PRKG1: variants seen among roughly 807,000 people sequenced by gnomAD.
PRKG1 encodes the protein cGMP-dependent protein kinase 1.
Under a neutral mutation model 88.1 loss-of-function variants are expected in PRKG1, and 35 were observed. The ratio of observed to expected loss-of-function variants is 0.40; its 90% CI spans 0.30 to 0.53. PRKG1 has a LOEUF of 0.53. PRKG1 is among the 20% of genes least tolerant of loss of function. The pLI is 0.59. For missense variants in PRKG1, 540 were observed against 839.8 expected (o/e 0.64, Z 4.41); for synonymous variants, 303 against 292.5 (o/e 1.04, Z -0.37).
chr10:51,124,269 C>T (rs761277377), intron 1 of PRKG1, among the ~76,000 whole-genome samples: 2 of 152,174 alleles, frequency 1.3e-5, no homozygotes, highest in Admixed American at 6.5e-5. Context: ...AGCACACTGT[C>T]CTTTGGATAT....
At chr10:50,995,067 G>C (rs551440900) in intron 1 of PRKG1, among the ~76,000 whole-genome samples, 2 of 152,082 alleles carry the variant, frequency 1.3e-5, no homozygotes, top group South Asian at 4.1e-4. Flanking sequence ...CATGGATACT[G>C]AAGGATGACT....
intron 3 of PRKG1, among the ~76,000 whole-genome samples, chr10:51,662,692 A>C (rs1356078428): frequency 6.6e-6 from 1 of 152,214 alleles, no homozygotes; most frequent in East Asian, 1.9e-4. Flanking sequence ...GGAGAAAAGT[A>C]TAAAAGGAGC....
intron 7 of PRKG1, chr10:52,128,558 C>T (rs919352592): frequency 1.3e-5 from 13 of 985,230 alleles, no homozygotes; most frequent in African/African-American, 1.7e-5. Context: ...GCACGGAAAC[C>T]TATATTTGCA....
rs563977737 is a variant in PRKG1 at position 51,601,330 on chromosome 10, C to T, written c.592+133494C>T. The stretch of plus-strand genomic sequence containing the variant: ...CAAGGAATAGTTTGAAAAATAAAAC[C>T]GTACATGAATATTTTAGAAAGGCGA... On this transcript the variant is annotated intron_variant, in intron 3 of 17. Coordinates refer to ENST00000373980, the MANE Select transcript of PRKG1 (RefSeq NM_006258.4). Among the ~76,000 whole-genome samples the T allele has an allele frequency of 1.9e-4, 29 of 152,118 alleles. No homozygotes were observed. The East Asian group carries it at 3.7e-3, about 19-fold the overall frequency.
At chr10:51,268,392 T>G (rs1490994846) in intron 2 of PRKG1, among the ~76,000 whole-genome samples, 5 of 152,112 alleles carry the variant, frequency 3.3e-5, no homozygotes, top group Admixed American at 2.0e-4. Context: ...GCTTATTTCA[T>G]CCCTACAGCT....
chr10:51,285,333 A>G (rs551993232), intron 2 of PRKG1, among the ~76,000 whole-genome samples: 58 of 152,192 alleles, frequency 3.8e-4, no homozygotes, highest in African/African-American at 1.4e-3. Flanking sequence ...GAAGCAGTAG[A>G]ATTCATATAG....
chr10:52,058,434 T>C (rs1846161332), intron 6 of PRKG1, among the ~76,000 whole-genome samples: 1 of 152,024 alleles, frequency 6.6e-6, no homozygotes, highest in Non-Finnish European at 1.5e-5. Context: ...CCATTCATAA[T>C]AAAACTTCTC....
At chr10:52,122,208 G>A (rs911522978) in intron 7 of PRKG1, among the ~76,000 whole-genome samples, 2 of 152,090 alleles carry the variant, frequency 1.3e-5, no homozygotes, top group African/African-American at 4.8e-5. Context: ...AGTGCAAGAG[G>A]GAGCCAAACG....
chr10:52,181,382 T>A (rs1007821071), intron 9 of PRKG1, among the ~76,000 whole-genome samples: 4 of 151,422 alleles, frequency 2.6e-5, no homozygotes, highest in African/African-American at 9.7e-5. Flanking sequence ...ACTGGGTAAT[T>A]TATAATGAAA....
chr10:51,211,528 C>G (rs1318008963), intron 2 of PRKG1, among the ~76,000 whole-genome samples: 1 of 152,134 alleles, frequency 6.6e-6, no homozygotes, highest in African/African-American at 2.4e-5. Context: ...GTCAAATTGT[C>G]CCTGTTTGCA....
chr10:51,753,938 C>T (rs1482882712), intron 3 of PRKG1, among the ~76,000 whole-genome samples: 2 of 151,852 alleles, frequency 1.3e-5, no homozygotes, highest in South Asian at 2.1e-4. Context: ...TGTCTTTGAT[C>T]GTTTTGTTGT....
At chr10:51,649,726 G>C (rs1839994692) in intron 3 of PRKG1, among the ~76,000 whole-genome samples, 1 of 152,168 alleles carries the variant, frequency 6.6e-6, no homozygotes, top group Non-Finnish European at 1.5e-5. Context: ...TGTGGGTGCA[G>C]ACCCGAGCAG....
chr10:52,190,809 T>C (rs1839343247), intron 9 of PRKG1, among the ~76,000 whole-genome samples: 1 of 152,144 alleles, frequency 6.6e-6, no homozygotes, highest in South Asian at 2.1e-4. Context: ...AGATTCAACA[T>C]TTACCAACCT....
At chr10:51,405,830 G>C (rs1837894713) in intron 2 of PRKG1, among the ~76,000 whole-genome samples, 1 of 152,156 alleles carries the variant, frequency 6.6e-6, no homozygotes, top group Non-Finnish European at 1.5e-5. Flanking sequence ...TAAAGCATCT[G>C]CATAAGCCGT....
intron 2 of PRKG1, among the ~76,000 whole-genome samples, chr10:51,280,477 T>A (rs1367891579): frequency 6.6e-6 from 1 of 152,224 alleles, no homozygotes; most frequent in Non-Finnish European, 1.5e-5. Flanking sequence ...TCCAACTTGG[T>A]TCCATTCTGC....
intron 5 of PRKG1, among the ~76,000 whole-genome samples, chr10:51,949,303 T>C (rs971608976): frequency 3.3e-5 from 5 of 152,086 alleles, no homozygotes; most frequent in Non-Finnish European, 7.4e-5. Context: ...CCTAGTTGCA[T>C]TGGGCTTTGA....
intron 9 of PRKG1, among the ~76,000 whole-genome samples, chr10:52,244,652 A>G (rs1840957247): frequency 7.0e-6 from 1 of 142,044 alleles, no homozygotes; most frequent in Non-Finnish European, 1.5e-5. Context: ...TATTCTTCTG[A>G]CAGAAGTAAA....
intron 7 of PRKG1, among the ~76,000 whole-genome samples, chr10:52,092,274 G>GTT (rs1437579872): frequency 1.3e-5 from 2 of 152,100 alleles, no homozygotes; most frequent in Non-Finnish European, 2.9e-5. Context: ...TATGTGTAAA[G>GTT]TAACAGCCTA....
In PRKG1 at chr10:51,156,280, G is replaced by A. The variant is rs1409996372; in HGVS notation, c.478+2950G>A. 7.2e-5 allele frequency among the ~76,000 whole-genome samples: 5 copies of A among 69,758 alleles called. 1 individual carries two copies. Among genetic ancestry groups the A allele is most frequent in the African/African-American group, 1.1e-4 (2 of 17,572 alleles). The allele number at this position is 69,758 out of a possible 152,430, so 45.8% of individuals were successfully genotyped here. A position where few individuals can be genotyped will look rare whatever the true frequency, so the allele number is the denominator to read the frequency against. On this transcript the variant is annotated intron_variant, in intron 2 of 17. Transcript: ENST00000373980. The stretch of plus-strand genomic sequence containing the variant: ...AAGGAGATAAGAGAAGGAAGCAAAC[G>A]AAGTTATTTGATGCAAGCACACACA...
Sources: gnomAD v4.1 joint callset for allele counts (sites outside exome capture counted in the v4.1 genomes callset) on GRCh38, gnomAD v4.1.1 for gene constraint, MANE v1.5 for transcripts, NCBI Gene and HGNC (gene_info 2026-07-23, HGNC 2026-07-21) for gene names.